TEAD3: variants seen among roughly 807,000 people sequenced by gnomAD.
TEAD3 encodes the protein TEA domain transcription factor 3.
Under a neutral mutation model 55.6 loss-of-function variants are expected in TEAD3, and 15 were observed. The observed-to-expected ratio is 0.27, with a 90% CI of 0.18 to 0.42. TEAD3 has a LOEUF of 0.42. Ranked by LOEUF, TEAD3 falls within the 10% of genes least tolerant of loss-of-function variation. The probability of loss-of-function intolerance (pLI) is 1.00; values close to 1 mark genes in which losing one functional copy is unlikely to be tolerated. For missense variants in TEAD3, 407 were observed against 576.8 expected, an observed-to-expected ratio of 0.71 and a Z score of 3.01; for synonymous variants, 210 against 232.2, an observed-to-expected ratio of 0.90 and a Z score of 0.87.
rs759962612 is a variant in TEAD3 at position 35,475,888 on chromosome 6, G to A, written c.900+31C>T. 8.6e-6 allele frequency: 13 copies of A among 1,513,290 alleles called. No individual in the cohort carries two copies. The Admixed American group carries it at 2.6e-4, about 31-fold the overall frequency. 93.7% of individuals were successfully genotyped at this position (1,513,290 alleles called of 1,614,324 possible). A position where few individuals can be genotyped will look rare whatever the true frequency, so the allele number is the denominator to read the frequency against. On this transcript the variant is annotated intron_variant, in intron 10 of 12. Transcript: ENST00000639578. The surrounding 1 kb of genome is among the most constrained non-coding windows in gnomAD (Gnocchi z 5.4). ...TTGCACCTCTGGGGTGGGGAAGGGGGCTTGGAGCAGAGAAGGCCAGGGGGA... is the reference window on the plus strand; with the variant it reads ...TTGCACCTCTGGGGTGGGGAAGGGGACTTGGAGCAGAGAAGGCCAGGGGGA...
rs1345984836 is a variant in TEAD3 at position 35,475,372 on chromosome 6, C to T, written c.1158G>A (p.Met386Ile). ...TGAAGTTCTCCAGCACGCTGTTCAT[C>T]ATGTACTTCTCGGGCAGGTGCTTCA... Residue 386 changes from methionine (M) to isoleucine (I), a missense_variant, in exon 12 of 13, where the codon ATG becomes ATA. Met to Ile is a conservative substitution (Grantham distance 10, BLOSUM62 1). Transcript: ENST00000639578. This position sits in a 1 kb window ranked among gnomAD's most constrained non-coding sequence, Gnocchi z 5.4. 1.2e-6 allele frequency: 2 copies of T among 1,613,992 alleles called. No individual in the cohort carries two copies. Among genetic ancestry groups the T allele is most frequent in the Non-Finnish European group, 1.7e-6 (2 of 1,179,990 alleles).
At chr6:35,479,995 G>T in intron 4 of TEAD3, 1 of 1,346,162 alleles carries the variant, frequency 7.4e-7, no homozygotes, top group Non-Finnish European at 1.0e-6. Flanking sequence ...GAGCCACAGA[G>T]CAGCGACAGG....
In TEAD3 at chr6:35,484,210, TG is replaced by T. The variant is rs1768320827; in HGVS notation, c.267+349del. Among the ~76,000 whole-genome samples, 1 of 152,172 alleles carries T rather than the reference TG, an allele frequency of 6.6e-6. No individual in the cohort carries two copies. The highest frequency in any genetic ancestry group is 1.9e-4 in the East Asian group (1 of 5,180). Reference sequence around the variant, plus strand: ...CTCTGTACCCATCCATCTGACCATCTGGCTCCCTGGCTGGTGAGTGAGCCAC... The same window carrying T: ...CTCTGTACCCATCCATCTGACCATCTGCTCCCTGGCTGGTGAGTGAGCCAC... On this transcript the variant is annotated intron_variant, in intron 3 of 12. Transcript: ENST00000639578. The surrounding 1 kb of genome is among the most constrained non-coding windows in gnomAD (Gnocchi z 5.8).
rs752393740 is a variant in TEAD3, at chr6:35,480,271, G to A, written c.268-149C>T. The A allele has an allele frequency of 2.5e-6, 4 of 1,606,268 alleles. No individual in the cohort carries two copies. The South Asian group carries it at 4.5e-5, about 18-fold the overall frequency. Reference sequence around the variant, plus strand: ...GCAGAGATAGCGCCGTGGGTGAGGGGCCCAGGAGGGCTGAAGGCCCCCGCC... The same window carrying A: ...GCAGAGATAGCGCCGTGGGTGAGGGACCCAGGAGGGCTGAAGGCCCCCGCC... On this transcript the variant is annotated intron_variant, in intron 3 of 12. Transcript: ENST00000639578.
chr6:35,490,720 T>C (rs1370612555), intron 1 of TEAD3, among the ~76,000 whole-genome samples: 1 of 152,168 alleles, frequency 6.6e-6, no homozygotes, highest in Admixed American at 6.5e-5. Flanking sequence ...GTGCCCGCCT[T>C]CTTCTCCCTA....
rs1390698548 is a variant in TEAD3 at position 35,476,497 on chromosome 6, GC to G, written c.593-63del. On this transcript the variant is annotated intron_variant, in intron 8 of 12. Coordinates refer to ENST00000639578, the Ensembl canonical transcript of TEAD3. ...CATGCAGGTGCTTACTGACAAAGCTGCCCCCAGCTTGCAAAGGTGCCCCTTT... is the reference window on the plus strand; with the variant it reads ...CATGCAGGTGCTTACTGACAAAGCTGCCCCAGCTTGCAAAGGTGCCCCTTT... 4 of 1,591,080 alleles carry G rather than the reference GC, an allele frequency of 2.5e-6. No homozygotes were observed. The African/African-American group carries it at 4.0e-5, about 16-fold the overall frequency.
At position 35,475,484 on chromosome 6, in the gene TEAD3, T is replaced by C. The variant is rs375351324; in HGVS notation, c.1046A>G (p.Glu349Gly). 2 of 1,612,248 alleles carry C rather than the reference T, an allele frequency of 1.2e-6. No individual in the cohort carries two copies. Among genetic ancestry groups the C allele is most frequent in the Non-Finnish European group, 1.7e-6 (2 of 1,178,694 alleles). ...GCGCCCGTTCTCCAGCCTGGCATAC[T>C]CAGTCTGCAGAGAATATGGAGAAGG... The change falls in exon 12 of 13, where the codon GAG (glutamate) becomes GGG (glycine). Residue 349 changes from glutamate to glycine, a missense_variant. Coordinates refer to ENST00000639578, the Ensembl canonical transcript of TEAD3. This position sits in a 1 kb window ranked among gnomAD's most constrained non-coding sequence, Gnocchi z 5.4.
At chr6:35,477,342 G>T in exon 8 of TEAD3, 1 of 1,604,582 alleles carries the variant, frequency 6.2e-7, no homozygotes, top group South Asian at 1.1e-5. Context: ...GCGGCTGGAT[G>T]GGGTAGGCTG....
At position 35,491,384 on chromosome 6, in the gene TEAD3, C is replaced by T. The variant is rs1768515913; in HGVS notation, c.-49-4673G>A. ...AGACCAGAAACTCAGATATGATAGGCATCGAGGGAGGGGCAGACCAGGAGG... is the reference window on the plus strand; with the variant it reads ...AGACCAGAAACTCAGATATGATAGGTATCGAGGGAGGGGCAGACCAGGAGG... On this transcript the variant is annotated intron_variant, in intron 1 of 12. Transcript: ENST00000639578. The surrounding 1 kb of genome is among the most constrained non-coding windows in gnomAD (Gnocchi z 4.4). Among the ~76,000 whole-genome samples the T allele has an allele frequency of 6.6e-6, 1 of 151,660 alleles. No individual in the cohort carries two copies. Among genetic ancestry groups the T allele is most frequent in the Non-Finnish European group, 1.5e-5 (1 of 67,884 alleles).
chr6:35,473,913 C>T (rs1768087198), downstream of TEAD3: 1 of 152,312 alleles, frequency 6.6e-6, no homozygotes, highest in Non-Finnish European at 1.5e-5. Context: ...CTGGACAGGC[C>T]CAGCTGGCTC....
chr6:35,482,207 A>G (rs950916403), intron 3 of TEAD3, among the ~76,000 whole-genome samples: 1 of 152,152 alleles, frequency 6.6e-6, no homozygotes, highest in Non-Finnish European at 1.5e-5. Context: ...GCTGGTCTCA[A>G]ACTCCTAACC....
intron 1 of TEAD3, among the ~76,000 whole-genome samples, chr6:35,489,233 T>C (rs1157964802): frequency 6.6e-6 from 1 of 152,172 alleles, no homozygotes; most frequent in Non-Finnish European, 1.5e-5. Flanking sequence ...ACAATAACCC[T>C]ATGGGGCAGA....
intron 3 of TEAD3, among the ~76,000 whole-genome samples, chr6:35,480,977 C>T (rs1220061842): frequency 2.6e-5 from 4 of 152,082 alleles, no homozygotes; most frequent in African/African-American, 4.8e-5. Context: ...AGGGATCTCC[C>T]GGGTACCACC....
intron 7 of TEAD3, among the ~76,000 whole-genome samples, chr6:35,477,998 G>A (rs997355213): frequency 2.0e-5 from 3 of 150,522 alleles, no homozygotes; most frequent in African/African-American, 4.9e-5. Flanking sequence ...CTACAGGCAC[G>A]CACCACCACA....
At chr6:35,492,739 T>C (rs1158924607) in intron 1 of TEAD3, among the ~76,000 whole-genome samples, 1 of 152,004 alleles carries the variant, frequency 6.6e-6, no homozygotes, top group African/African-American at 2.4e-5. Context: ...CAGGCCTCCT[T>C]CTGCAAAGCT....
chr6:35,489,050 C>T (rs72894776), intron 1 of TEAD3, among the ~76,000 whole-genome samples: 21,206 of 152,246 alleles, frequency 0.14, 1,611 homozygotes, highest in African/African-American at 0.19. Flanking sequence ...AGCCACTGCG[C>T]CCGGCCCTTG....
At position 35,495,781 on chromosome 6, in the gene TEAD3, G is replaced by T. The variant is rs149916718; in HGVS notation, c.-50+1117C>A. The stretch of plus-strand genomic sequence containing the variant: ...AACCAGGCCACAAGAGACTGGATAC[G>T]CAGAGCCGCTATGGGCACCAGCCCC... On this transcript the variant is annotated intron_variant, in intron 1 of 12. Transcript: ENST00000639578. Among the ~76,000 whole-genome samples, 245 of 152,304 alleles carry T rather than the reference G, an allele frequency of 1.6e-3. 1 individual carries two copies. Among genetic ancestry groups the T allele is most frequent in the African/African-American group, 5.8e-3 (239 of 41,552 alleles).
Position 35,484,685 on chromosome 6 carries a change from C to A in TEAD3, c.203-61G>T. 1.4e-6 allele frequency: 2 copies of A among 1,471,636 alleles called. No homozygotes were observed. Among genetic ancestry groups the A allele is most frequent in the African/African-American group, 1.4e-5 (1 of 71,538 alleles). 91.2% of individuals were successfully genotyped at this position (1,471,636 alleles called of 1,614,324 possible). On this transcript the variant is annotated intron_variant, in intron 2 of 12. Coordinates refer to ENST00000639578, the Ensembl canonical transcript of TEAD3. This position sits in a 1 kb window ranked among gnomAD's most constrained non-coding sequence, Gnocchi z 5.8. ...AAAGGGTGGAGCCAGAGGCTGGAGG[C>A]CCCCACCCCACCGGGAAGCCACTCC... is the stretch of plus-strand genomic sequence containing the variant.
intron 1 of TEAD3, among the ~76,000 whole-genome samples, chr6:35,487,793 A>G (rs1414309810): frequency 3.9e-5 from 6 of 152,222 alleles, no homozygotes; most frequent in Non-Finnish European, 8.8e-5. Context: ...CAGGGAAGGT[A>G]GGGAATAAAG....
Sources: allele counts gnomAD v4.1 joint callset (sites outside exome capture counted in the v4.1 genomes callset), GRCh38; gene constraint gnomAD v4.1.1; non-coding constraint Gnocchi (gnomAD v3.1); transcripts MANE v1.5; gene names NCBI Gene and HGNC (gene_info 2026-07-23, HGNC 2026-07-21).